TEX9: variants seen among roughly 807,000 people sequenced by gnomAD.
TEX9 encodes the protein testis-expressed protein 9.
In TEX9, 74 loss-of-function variants were observed where a neutral mutation model predicts 59.6. The ratio of observed to expected loss-of-function variants is 1.24; its 90% CI spans 1.03 to 1.51. The LOEUF (loss-of-function observed/expected upper bound fraction) is 1.51. TEX9 is among the 40% of genes most tolerant of loss of function. The probability of loss-of-function intolerance (pLI) is 0.00; values close to 1 mark genes in which losing one functional copy is unlikely to be tolerated. For synonymous variants in TEX9, 186 were observed against 152.2 expected, an observed-to-expected ratio of 1.22 and a Z score of -1.64; for missense variants, 522 against 447.8, an observed-to-expected ratio of 1.17 and a Z score of -1.49.
intron 1 of TEX9, among the ~76,000 whole-genome samples, chr15:56,276,339 A>G (rs1013611432): frequency 1.3e-5 from 2 of 151,204 alleles, no homozygotes; most frequent in Non-Finnish European, 3.0e-5. Flanking sequence ...TGCCCCCCAC[A>G]CCTTGACAGG....
At chr15:56,363,351 A>G (rs1216757420), upstream of TEX9, among the ~76,000 whole-genome samples, 11 of 150,024 alleles carry the variant, frequency 7.3e-5, no homozygotes, top group African/African-American at 2.2e-4. Flanking sequence ...TGCAACTTCT[A>G]TCTCCCAGCA....
chr15:56,388,592 G>T (rs1156793357), intron 5 of TEX9, 72 bp downstream of exon 5: 53 of 1,331,766 alleles, frequency 4.0e-5, no homozygotes, highest in Non-Finnish European at 7.5e-6. Context: ...ACTTTTCTTA[G>T]ACAAAGCAGA....
chr15:56,356,898 C>T (rs540502035), intron 1 of TEX9, among the ~76,000 whole-genome samples: 2 of 151,986 alleles, frequency 1.3e-5, no homozygotes, highest in Non-Finnish European at 2.9e-5. Context: ...TCAAATGGTG[C>T]CAATTCTGGA....
rs952880868 is a variant in TEX9, at chr15:56,426,630, C to T, written c.964-975C>T. Among the ~76,000 whole-genome samples, 102 of 53,980 alleles carry T rather than the reference C, an allele frequency of 1.9e-3. 1 individual carries two copies. The highest frequency in any genetic ancestry group is 3.3e-3 in the Non-Finnish European group (69 of 20,962). 35.4% of individuals were successfully genotyped at this position (53,980 alleles called of 152,430 possible). On this transcript the variant is annotated intron_variant, in intron 10 of 12. Transcript: ENST00000352903. ...ATATATATATATATATATATATACA[C>T]ACACACAAACACACACACACACACG...
chr15:56,411,159 C>T (rs547889292), intron 9 of TEX9, among the ~76,000 whole-genome samples: 1 of 152,124 alleles, frequency 6.6e-6, no homozygotes, highest in Non-Finnish European at 1.5e-5. Context: ...GAGTAAGGCT[C>T]TGGACTAGGC....
At chr15:56,377,314 G>A (rs1171803420) in intron 3 of TEX9, among the ~76,000 whole-genome samples, 1 of 152,030 alleles carries the variant, frequency 6.6e-6, no homozygotes, top group Non-Finnish European at 1.5e-5. Context: ...TTTTGCAAGG[G>A]GTTGCCTTGA....
chr15:56,444,309 T>C, intron 12 of TEX9: 1 of 673,488 alleles, frequency 1.5e-6, no homozygotes, highest in Non-Finnish European at 2.4e-6. Context: ...TCCCAATTTA[T>C]GTTTTCATAG....
intron 1 of TEX9, among the ~76,000 whole-genome samples, chr15:56,312,146 T>C (rs2045636809): frequency 6.7e-6 from 1 of 149,064 alleles, no homozygotes; most frequent in Admixed American, 6.8e-5. Context: ...CTCTTTAGTT[T>C]AATTACATCC....
chr15:56,453,085 CT>C, the TEX9 span, among the ~76,000 whole-genome samples: 1 of 151,994 alleles, frequency 6.6e-6, no homozygotes, highest in Admixed American at 6.6e-5. Flanking sequence ...CAGCATGTTT[CT>C]TTGTTTCCAG....
At chr15:56,395,184 T>A (rs1258447462) in intron 9 of TEX9, 3 of 251,914 alleles carry the variant, frequency 1.2e-5, no homozygotes, top group Non-Finnish European at 2.2e-5. Flanking sequence ...TATGTCTCAA[T>A]AAATTTGTCT....
intron 9 of TEX9, among the ~76,000 whole-genome samples, chr15:56,405,272 A>C (rs1323133923): frequency 6.7e-6 from 1 of 150,338 alleles, no homozygotes; most frequent in Non-Finnish European, 1.5e-5. Flanking sequence ...TCGCCACTGC[A>C]CTCCAGCCTG....
At chr15:56,415,142 A>T (rs1488900358) in intron 10 of TEX9, among the ~76,000 whole-genome samples, 1 of 151,622 alleles carries the variant, frequency 6.6e-6, no homozygotes, top group Non-Finnish European at 1.5e-5. Flanking sequence ...TCAGACCTTT[A>T]TCAGATGCAT....
At chr15:56,278,888 C>T (rs2044746406) in intron 1 of TEX9, among the ~76,000 whole-genome samples, 1 of 151,830 alleles carries the variant, frequency 6.6e-6, no homozygotes, top group Admixed American at 6.6e-5. Flanking sequence ...TAGCAAATTT[C>T]CTGGGGGTAA....
chr15:56,264,039 C>T (rs1422863025), intron 1 of TEX9, among the ~76,000 whole-genome samples: 2 of 152,148 alleles, frequency 1.3e-5, no homozygotes, highest in African/African-American at 4.8e-5. Context: ...GAAAAAGTTG[C>T]TATAAACATT....
At chr15:56,423,577 G>C (rs1481333859) in intron 10 of TEX9, among the ~76,000 whole-genome samples, 2 of 151,912 alleles carry the variant, frequency 1.3e-5, no homozygotes, top group Non-Finnish European at 2.9e-5. Context: ...AAATAAGTTT[G>C]TTTTTAGTAG....
chr15:56,400,247 G>C (rs1318218962), intron 9 of TEX9, among the ~76,000 whole-genome samples: 1 of 152,174 alleles, frequency 6.6e-6, no homozygotes, highest in Non-Finnish European at 1.5e-5. Context: ...AAAAAGGTTA[G>C]ACGAATGGCT....
chr15:56,272,090 G>A (rs888331794), intron 1 of TEX9, among the ~76,000 whole-genome samples: 18 of 151,896 alleles, frequency 1.2e-4, no homozygotes, highest in African/African-American at 4.4e-4. Flanking sequence ...CTTGCAGTGA[G>A]CTGAGATCGC....
chr15:56,353,800 A>G (rs948184999), intron 1 of TEX9, among the ~76,000 whole-genome samples: 4 of 152,208 alleles, frequency 2.6e-5, no homozygotes, highest in Non-Finnish European at 5.9e-5. Context: ...AAATTCCTCA[A>G]ACATATTGTT....
chr15:56,426,011 ACTT>A (rs1251509391), intron 10 of TEX9, among the ~76,000 whole-genome samples: 2 of 152,006 alleles, frequency 1.3e-5, no homozygotes, highest in African/African-American at 4.8e-5. Context: ...AAATCTCACT[ACTT>A]CTTCTCAGAG....
Sources: allele counts gnomAD v4.1 joint callset (sites outside exome capture counted in the v4.1 genomes callset), GRCh38; gene constraint gnomAD v4.1.1; transcripts MANE v1.5; gene names NCBI Gene and HGNC (gene_info 2026-07-23, HGNC 2026-07-21).